The following PDE4B variants were observed in gnomAD, a reference collection of about 807,000 sequenced individuals.
The protein encoded by PDE4B is phosphodiesterase 4B.
A neutral mutation model predicts 82.2 loss-of-function variants in PDE4B; 20 were observed. The ratio of observed to expected loss-of-function variants is 0.24; its 90% confidence interval spans 0.17 to 0.35. The LOEUF (loss-of-function observed/expected upper bound fraction) is 0.35. Among genes scored for constraint, PDE4B ranks in the 10% least tolerant of loss-of-function variants. The pLI is 1.00. For missense variants in PDE4B, 655 were observed against 907.2 expected (o/e 0.72, Z 3.57); for synonymous variants, 320 against 318.9 (o/e 1.00, Z -0.04).
At chr1:66,223,301 T>G (rs1337422400) in intron 3 of PDE4B, among the ~76,000 whole-genome samples, 1 of 152,160 alleles carries the variant, frequency 6.6e-6, no homozygotes, top group Non-Finnish European at 1.5e-5. Flanking sequence ...AAGGAGGTGA[T>G]GTCTGAACTC....
intron 1 of PDE4B, among the ~76,000 whole-genome samples, chr1:65,903,881 G>C (rs1398612649): frequency 1.3e-5 from 2 of 152,152 alleles, no homozygotes; most frequent in African/African-American, 4.8e-5. Context: ...ATCACTGGCA[G>C]ACTTCATATC....
chr1:65,985,698 G>C (rs1192557725), intron 3 of PDE4B, among the ~76,000 whole-genome samples: 1 of 152,062 alleles, frequency 6.6e-6, no homozygotes, highest in Non-Finnish European at 1.5e-5. Context: ...ACTCATCCTT[G>C]CTAATATATC....
At chr1:66,277,311 T>C (rs888632584) in intron 7 of PDE4B, among the ~76,000 whole-genome samples, 1 of 152,242 alleles carries the variant, frequency 6.6e-6, no homozygotes, top group East Asian at 1.9e-4. Context: ...GCAAATTCAG[T>C]TGGGAGCCAT....
Position 66,066,435 on chromosome 1 carries a change from G to A in PDE4B, c.281+147600G>A, listed in dbSNP as rs547915739. On this transcript the variant is annotated intron_variant, in intron 3 of 16. Coordinates refer to ENST00000341517, the MANE Select transcript of PDE4B (RefSeq NM_002600.4). ...GATAAGTTATTTTCCAGCATTTCCA[G>A]TAGGAAATGATTGGTAGTATTTCTG... 3.3e-5 allele frequency among the ~76,000 whole-genome samples: 5 copies of A among 151,906 alleles called. No individual in the cohort carries two copies. The South Asian group carries it at 1.0e-3, about 31-fold the overall frequency.
intron 7 of PDE4B, among the ~76,000 whole-genome samples, chr1:66,287,996 G>C (rs1050306831): frequency 1.3e-5 from 2 of 151,872 alleles, no homozygotes; most frequent in Non-Finnish European, 2.9e-5. Flanking sequence ...ACAAAAAACT[G>C]TATTAGCCCA....
intron 3 of PDE4B, among the ~76,000 whole-genome samples, chr1:65,969,267 C>T (rs1049003144): frequency 7.2e-5 from 11 of 152,220 alleles, no homozygotes; most frequent in African/African-American, 2.6e-4. Context: ...ATGGTAAGTG[C>T]AAGAGAGCAA....
chr1:66,171,961 A>G (rs960932363), intron 3 of PDE4B, among the ~76,000 whole-genome samples: 3 of 152,192 alleles, frequency 2.0e-5, no homozygotes, highest in Admixed American at 2.0e-4. Flanking sequence ...AAAAAATTTC[A>G]ACTTCTGTTT....
intron 1 of PDE4B, among the ~76,000 whole-genome samples, chr1:65,911,795 CAA>C (rs1647095110): frequency 6.6e-6 from 1 of 152,122 alleles, no homozygotes; most frequent in African/African-American, 2.4e-5. Flanking sequence ...CTTATAAAGG[CAA>C]AGTTTCTCCC....
intron 16 of PDE4B, among the ~76,000 whole-genome samples, chr1:66,371,573 T>G (rs560958506): frequency 7.2e-5 from 11 of 152,296 alleles, no homozygotes; most frequent in African/African-American, 2.6e-4. Flanking sequence ...TTATTTTCCC[T>G]TCTTTCACCT....
chr1:65,815,282 C>CT (rs1476233243), intron 1 of PDE4B, among the ~76,000 whole-genome samples: 2 of 139,928 alleles, frequency 1.4e-5, no homozygotes, highest in African/African-American at 5.2e-5. Context: ...TATTACATCT[C>CT]TGCTTTTGAA....
chr1:65,931,353 T>G (rs2100517787), intron 3 of PDE4B, among the ~76,000 whole-genome samples: 1 of 152,300 alleles, frequency 6.6e-6, no homozygotes, highest in South Asian at 2.1e-4. Flanking sequence ...CAAAAAGGTA[T>G]ACAGTTTGGG....
chr1:66,278,321 C>T (rs1325682231), intron 7 of PDE4B, among the ~76,000 whole-genome samples: 3 of 152,174 alleles, frequency 2.0e-5, no homozygotes, highest in Non-Finnish European at 4.4e-5. Flanking sequence ...TGCAGCTGCC[C>T]AGCTGCTACA....
chr1:66,218,606 G>GCC (rs1342705048), intron 3 of PDE4B, among the ~76,000 whole-genome samples: 1 of 152,004 alleles, frequency 6.6e-6, no homozygotes, highest in Non-Finnish European at 1.5e-5. Flanking sequence ...GTGCTCACCA[G>GCC]CCACCCCCAG....
chr1:66,261,962 G>A (rs1654712653), intron 6 of PDE4B, among the ~76,000 whole-genome samples: 1 of 152,198 alleles, frequency 6.6e-6, no homozygotes, highest in Admixed American at 6.5e-5. Context: ...CCAGGGGATG[G>A]AGCTGGGAGC....
At position 66,225,651 on chromosome 1, in the gene PDE4B, A is replaced by G. The variant is rs142712811; in HGVS notation, c.282-21809A>G. ...TTGGGCTCTAGAAATTCTAAACTGAATACCTGGGCCCAGTAACCAGGGCAG... is the reference window on the plus strand; with the variant it reads ...TTGGGCTCTAGAAATTCTAAACTGAGTACCTGGGCCCAGTAACCAGGGCAG... On this transcript the variant is annotated intron_variant, in intron 3 of 16. Coordinates refer to ENST00000341517, the MANE Select transcript of PDE4B (RefSeq NM_002600.4). Among the ~76,000 whole-genome samples the G allele has an allele frequency of 8.5e-5, 13 of 152,344 alleles. No individual in the cohort carries two copies. The East Asian group carries it at 2.5e-3, about 29-fold the overall frequency.
At chr1:66,343,015 TG>T (rs1187282780) in intron 8 of PDE4B, among the ~76,000 whole-genome samples, 1 of 152,050 alleles carries the variant, frequency 6.6e-6, no homozygotes, top group Non-Finnish European at 1.5e-5. Context: ...ACTGCACTTC[TG>T]CACTCCAGCC....
intron 1 of PDE4B, among the ~76,000 whole-genome samples, chr1:65,819,657 G>C (rs960532033): frequency 6.6e-6 from 1 of 151,834 alleles, no homozygotes; most frequent in Non-Finnish European, 1.5e-5. Flanking sequence ...CCGCCACCGC[G>C]GCGGGCTATT....
chr1:66,186,139 T>C (rs1430096830), intron 3 of PDE4B, among the ~76,000 whole-genome samples: 1 of 152,220 alleles, frequency 6.6e-6, no homozygotes, highest in Non-Finnish European at 1.5e-5. Flanking sequence ...AAACATCAGA[T>C]AGTTTTAGAT....
intron 7 of PDE4B, among the ~76,000 whole-genome samples, chr1:66,288,272 C>T (rs571146): frequency 0.25 from 38,337 of 151,834 alleles, 6,351 homozygotes; most frequent in Non-Finnish European, 0.36. Context: ...CACTCACTAC[C>T]GCAAACACAC....
Sources: gnomAD v4.1 joint callset for allele counts (sites outside exome capture counted in the v4.1 genomes callset) on GRCh38, gnomAD v4.1.1 for gene constraint, MANE v1.5 for transcripts, NCBI Gene and HGNC (gene_info 2026-07-23, HGNC 2026-07-21) for gene names.